The following EYA2 variants were observed in gnomAD, a reference collection of about 807,000 sequenced individuals.
EYA2 encodes the protein EYA transcriptional coactivator and phosphatase 2, also known as protein phosphatase EYA2.
Under a neutral mutation model 69.2 loss-of-function variants are expected in EYA2, and 31 were observed. The observed-to-expected ratio is 0.45, with a 90% CI of 0.34 to 0.60. EYA2 has a LOEUF of 0.60. EYA2 is among the 20% of genes least tolerant of loss of function. EYA2 has a pLI of 0.02. For missense variants in EYA2, 622 were observed against 701.2 expected, an observed-to-expected ratio of 0.89 and a Z score of 1.28; for synonymous variants, 257 against 279.4, an observed-to-expected ratio of 0.92 and a Z score of 0.80.
chr20:47,046,543 G>C (rs1223929208), intron 5 of EYA2, among the ~76,000 whole-genome samples: 1 of 152,088 alleles, frequency 6.6e-6, no homozygotes, highest in African/African-American at 2.4e-5. Context: ...TAAAACAACA[G>C]CCCTCCCTTG....
intron 12 of EYA2, among the ~76,000 whole-genome samples, chr20:47,179,292 GGATGGGTGGGTGGGTAGACT>G (rs2034485878): frequency 7.3e-6 from 1 of 137,606 alleles, no homozygotes; most frequent in South Asian, 2.6e-4. Flanking sequence ...GTGGATGGGT[GGATGGGTGGGTGGGTAGACT>G]GATGGGTGGG....
intron 1 of EYA2, among the ~76,000 whole-genome samples, chr20:46,911,546 G>A (rs557172987): frequency 1.7e-4 from 26 of 152,320 alleles, no homozygotes; most frequent in African/African-American, 5.8e-4. Flanking sequence ...ATTCAGTGTT[G>A]AATGAGAGGT....
intron 9 of EYA2, among the ~76,000 whole-genome samples, chr20:47,140,145 C>T (rs566450250): frequency 1.3e-5 from 2 of 152,182 alleles, no homozygotes; most frequent in Non-Finnish European, 2.9e-5. Flanking sequence ...ATTGCTCCGT[C>T]AAAGAGGAGT....
At chr20:46,950,520 G>A (rs1262389242) in intron 1 of EYA2, among the ~76,000 whole-genome samples, 17 of 152,090 alleles carry the variant, frequency 1.1e-4, no homozygotes, top group Admixed American at 1.0e-3. Context: ...CCTCCTTCTG[G>A]GTGCTCCTCC....
chr20:47,134,847 G>C (rs1262499163), intron 9 of EYA2, among the ~76,000 whole-genome samples: 3 of 152,208 alleles, frequency 2.0e-5, no homozygotes, highest in African/African-American at 7.2e-5. Flanking sequence ...CAGACAACGG[G>C]CCGGGTGCAG....
chr20:46,987,326 A>G (rs1055676384), intron 1 of EYA2, among the ~76,000 whole-genome samples: 3 of 152,166 alleles, frequency 2.0e-5, no homozygotes, highest in Admixed American at 6.5e-5. Context: ...CCTTCTTTTG[A>G]TTATTTTGCA....
intron 5 of EYA2, among the ~76,000 whole-genome samples, chr20:47,025,896 G>C (rs1984052970): frequency 6.6e-6 from 1 of 152,214 alleles, no homozygotes; most frequent in African/African-American, 2.4e-5. Flanking sequence ...CAGGGCAGTA[G>C]TAATTTCTAA....
intron 1 of EYA2, among the ~76,000 whole-genome samples, chr20:46,954,270 A>G (rs954821820): frequency 2.0e-5 from 3 of 152,168 alleles, no homozygotes; most frequent in African/African-American, 7.2e-5. Context: ...GGACTGAGAC[A>G]TTGTTTAATT....
chr20:47,075,544 C>T (rs1237537073), intron 7 of EYA2, among the ~76,000 whole-genome samples: 1 of 151,876 alleles, frequency 6.6e-6, no homozygotes, highest in African/African-American at 2.4e-5. Context: ...TGGCTGTGTA[C>T]GGCCAGGAAT....
intron 5 of EYA2, among the ~76,000 whole-genome samples, chr20:47,029,981 CAT>C: frequency 6.6e-6 from 1 of 152,124 alleles, no homozygotes; most frequent in Non-Finnish European, 1.5e-5. Flanking sequence ...TTTTGAGGGT[CAT>C]AGGTCTCTGT....
At chr20:47,169,101 T>TTCTCTC (rs35639959) in intron 10 of EYA2, 38 bp from the exon 11 acceptor site, 4 of 1,482,892 alleles carry the variant, frequency 2.7e-6, no homozygotes, top group East Asian at 2.4e-5. Flanking sequence ...ACCAGGCATG[T>TTCTCTC]TCTCTCTCTC....
At chr20:46,998,457 C>T (rs945469486) in intron 2 of EYA2, 6 of 152,260 alleles carry the variant, frequency 3.9e-5, no homozygotes, top group African/African-American at 1.4e-4. Flanking sequence ...GGTGGACTTC[C>T]TGGTCCACAT....
chr20:47,062,449 G>A (rs181669738), intron 5 of EYA2, among the ~76,000 whole-genome samples: 30 of 152,308 alleles, frequency 2.0e-4, no homozygotes, highest in African/African-American at 6.5e-4. Context: ...CTTTTATGCA[G>A]TTATCTCCAG....
chr20:47,060,839 C>T (rs568255263), intron 5 of EYA2, among the ~76,000 whole-genome samples: 6 of 145,054 alleles, frequency 4.1e-5, no homozygotes, highest in South Asian at 2.2e-4. Flanking sequence ...CTTCATCAAT[C>T]GCTCTCTCTC....
At chr20:47,101,885 C>G (rs985331093) in intron 9 of EYA2, among the ~76,000 whole-genome samples, 2 of 152,216 alleles carry the variant, frequency 1.3e-5, no homozygotes, top group Non-Finnish European at 2.9e-5. Context: ...AAACTCATGG[C>G]CTCAGCTTCT....
chr20:46,898,666 T>C (rs1983939028), intron 1 of EYA2, among the ~76,000 whole-genome samples: 1 of 152,206 alleles, frequency 6.6e-6, no homozygotes, highest in African/African-American at 2.4e-5. Context: ...TAACACCCTT[T>C]TCTAGTCGGA....
intron 1 of EYA2, among the ~76,000 whole-genome samples, chr20:46,930,145 G>A (rs1209904448): frequency 2.0e-5 from 3 of 152,222 alleles, no homozygotes; most frequent in African/African-American, 7.2e-5. Flanking sequence ...ACAGTTACAA[G>A]TTGACTGTGG....
At chr20:47,096,370 TACAA>T (rs2032247168) in intron 8 of EYA2, among the ~76,000 whole-genome samples, 1 of 152,196 alleles carries the variant, frequency 6.6e-6, no homozygotes, top group African/African-American at 2.4e-5. Context: ...AAAACCAATG[TACAA>T]ACAAGTTTAT....
chr20:46,968,853 C>G (rs1979954427), intron 1 of EYA2, among the ~76,000 whole-genome samples: 1 of 152,182 alleles, frequency 6.6e-6, no homozygotes, highest in African/African-American at 2.4e-5. Flanking sequence ...CTGGGTCGCT[C>G]TGTGTCCTTG....
Sources: gnomAD v4.1 joint callset for allele counts (sites outside exome capture counted in the v4.1 genomes callset) on GRCh38, gnomAD v4.1.1 for gene constraint, MANE v1.5 for transcripts, NCBI Gene and HGNC (gene_info 2026-07-23, HGNC 2026-07-21) for gene names.